SUMF1: variants seen among roughly 807,000 people sequenced by gnomAD.
The protein encoded by SUMF1 is sulfatase modifying factor 1, also known as formylglycine-generating enzyme.
Under a neutral mutation model 47.6 loss-of-function variants are expected in SUMF1, and 48 were observed. The ratio of observed to expected loss-of-function variants is 1.01; its 90% CI spans 0.80 to 1.28. The LOEUF is 1.28. SUMF1 is among the 50% of genes most tolerant of loss of function. SUMF1 has a pLI of 0.00. For missense variants in SUMF1, 571 were observed against 485.4 expected (o/e 1.18, Z -1.66); for synonymous variants, 230 against 192.1 (o/e 1.20, Z -1.63).
intron 8 of SUMF1, among the ~76,000 whole-genome samples, chr3:4,228,945 G>A (rs1696236200): frequency 6.6e-6 from 1 of 152,112 alleles, no homozygotes; most frequent in African/African-American, 2.4e-5. Context: ...GTAACTAAGG[G>A]TGGCTAGAAG....
At chr3:4,130,118 C>A (rs1288921837) in intron 8 of SUMF1, among the ~76,000 whole-genome samples, 1 of 152,122 alleles carries the variant, frequency 6.6e-6, no homozygotes, top group Non-Finnish European at 1.5e-5. Context: ...TGATTCCCAC[C>A]ACAACCCCAT....
At chr3:4,121,947 A>G (rs185835835) in intron 8 of SUMF1, among the ~76,000 whole-genome samples, 30 of 152,192 alleles carry the variant, frequency 2.0e-4, no homozygotes, top group African/African-American at 6.7e-4. Flanking sequence ...GCTCCCATTT[A>G]TAAGTGAGAA....
At chr3:4,456,756 G>A (rs1559312497) in intron 1 of SUMF1, among the ~76,000 whole-genome samples, 1 of 50,198 alleles carries the variant, frequency 2.0e-5, no homozygotes, top group South Asian at 1.0e-3. Context: ...ATATATACGT[G>A]TGTGTGTATA....
chr3:4,113,747 C>T (rs1458820609), intron 8 of SUMF1, among the ~76,000 whole-genome samples: 7 of 151,918 alleles, frequency 4.6e-5, no homozygotes, highest in Non-Finnish European at 1.0e-4. Flanking sequence ...GGCACAATTA[C>T]GATGTACCAC....
intron 8 of SUMF1, among the ~76,000 whole-genome samples, chr3:4,298,645 C>G (rs537284015): frequency 5.3e-5 from 8 of 152,332 alleles, no homozygotes; most frequent in Middle Eastern, 3.4e-3. Flanking sequence ...AACATTCTTA[C>G]AATTTCTATC....
At chr3:4,431,425 T>A (rs1426843106) in intron 3 of SUMF1, among the ~76,000 whole-genome samples, 5 of 152,286 alleles carry the variant, frequency 3.3e-5, no homozygotes, top group African/African-American at 1.2e-4. Context: ...TGCATTCCCC[T>A]ATTCTGAGCC....
intron 7 of SUMF1, among the ~76,000 whole-genome samples, chr3:4,398,633 A>G (rs1701112988): frequency 6.6e-6 from 1 of 152,148 alleles, no homozygotes; most frequent in African/African-American, 2.4e-5. Flanking sequence ...CAAATCAATA[A>G]TTTTTAAAAA....
At chr3:4,400,260 C>T (rs1701167504) in intron 7 of SUMF1, among the ~76,000 whole-genome samples, 1 of 152,156 alleles carries the variant, frequency 6.6e-6, no homozygotes, top group Non-Finnish European at 1.5e-5. Context: ...TGAAATTTCC[C>T]CATGGCCTTT....
In SUMF1 at chr3:4,376,362, C is replaced by A; in HGVS notation, c.982G>T (p.Val328Leu). 6.2e-7 allele frequency: 1 copy of A among 1,614,180 alleles called. No individual in the cohort carries two copies. The highest frequency in any genetic ancestry group is 8.5e-7 in the Non-Finnish European group (1 of 1,180,008). Residue 328 changes from valine (V) to leucine (L), a missense_variant, in exon 8 of 9, where the codon GTG (valine) becomes TTG (leucine). Physicochemically the swap from Val to Leu is conservative, Grantham distance 32. Coordinates refer to ENST00000272902, the MANE Select transcript of SUMF1 (RefSeq NM_182760.4). ...PKGPPSGKDRVKKGGSYMCHR... is the reference protein window; with the variant it reads ...PKGPPSGKDRLKKGGSYMCHR... ...CACATGTAGGATCCACCTTTCTTCACTCGGTCTTTCCCAGAAGGGGGACCT... is the reference window on the plus strand; with the variant it reads ...CACATGTAGGATCCACCTTTCTTCAATCGGTCTTTCCCAGAAGGGGGACCT...
intron 8 of SUMF1, among the ~76,000 whole-genome samples, chr3:4,182,992 G>T (rs1028798449): frequency 2.6e-5 from 4 of 152,116 alleles, no homozygotes; most frequent in Admixed American, 2.6e-4. Flanking sequence ...TAGACACTGA[G>T]GTTGGCTTGA....
intron 8 of SUMF1, among the ~76,000 whole-genome samples, chr3:4,172,389 TC>T (rs1334387633): frequency 6.6e-6 from 1 of 152,138 alleles, no homozygotes; most frequent in East Asian, 1.9e-4. Flanking sequence ...ACATGTGCTT[TC>T]CAGGTATTCA....
At chr3:4,433,055 G>C (rs711650) in intron 3 of SUMF1, among the ~76,000 whole-genome samples, 36,325 of 152,056 alleles carry the variant, frequency 0.24, 5,230 homozygotes, top group Non-Finnish European at 0.32. Flanking sequence ...AATTCTGAAA[G>C]TTTCATCCAT....
chr3:4,316,698 G>A (rs1698669955), intron 8 of SUMF1: 4 of 1,550,886 alleles, frequency 2.6e-6, no homozygotes, highest in South Asian at 1.2e-5. Flanking sequence ...GATTTTATAT[G>A]ACAACCGGCG....
intron 8 of SUMF1, among the ~76,000 whole-genome samples, chr3:4,140,127 G>A (rs75107653): frequency 0.016 from 2,399 of 152,032 alleles, 45 homozygotes; most frequent in East Asian, 0.033. Context: ...GACTTGAACT[G>A]GAATTTATCC....
chr3:4,353,428 A>G (rs1340876790), intron 8 of SUMF1, among the ~76,000 whole-genome samples: 4 of 152,120 alleles, frequency 2.6e-5, no homozygotes, highest in East Asian at 3.9e-4. Context: ...AATTTTTTGT[A>G]TTTTTAGTAG....
chr3:4,294,196 C>A (rs926924943), intron 8 of SUMF1, among the ~76,000 whole-genome samples: 1 of 152,022 alleles, frequency 6.6e-6, no homozygotes, highest in Non-Finnish European at 1.5e-5. Context: ...CATAGCTATA[C>A]GTAGCTATTT....
chr3:4,067,784 T>C (rs554763477), intron 9 of SUMF1, among the ~76,000 whole-genome samples: 3 of 152,282 alleles, frequency 2.0e-5, no homozygotes, highest in East Asian at 1.9e-4. Context: ...GTGGGGAGTT[T>C]TGGGTCCAAA....
chr3:4,054,718 C>T (rs1462890297), intron 9 of SUMF1, among the ~76,000 whole-genome samples: 5 of 152,216 alleles, frequency 3.3e-5, no homozygotes, highest in Non-Finnish European at 5.9e-5. Flanking sequence ...ACCTTCTTGA[C>T]CCAGAATCCC....
At chr3:4,269,364 T>C (rs1170053192) in intron 8 of SUMF1, among the ~76,000 whole-genome samples, 3 of 152,176 alleles carry the variant, frequency 2.0e-5, no homozygotes, top group Admixed American at 1.3e-4. Flanking sequence ...CAGAAATGTT[T>C]GCGCTTCATA....
Sources: gnomAD v4.1 joint callset for allele counts (sites outside exome capture counted in the v4.1 genomes callset) on GRCh38, gnomAD v4.1.1 for gene constraint, MANE v1.5 for transcripts, NCBI Gene and HGNC (gene_info 2026-07-23, HGNC 2026-07-21) for gene names.